CYP2C19: variants seen among roughly 807,000 people sequenced by gnomAD.
CYP2C19 encodes the protein cytochrome P450 family 2 subfamily C member 19.
In CYP2C19, 59 loss-of-function variants were observed where a neutral mutation model predicts 40.9. The ratio of observed to expected loss-of-function variants is 1.44; its 90% confidence interval spans 1.17 to 1.79. The LOEUF is 1.79. Ranked by LOEUF, CYP2C19 falls within the 40% of genes most tolerant of loss-of-function variation. The probability of loss-of-function intolerance (pLI) is 0.00; values close to 1 mark genes in which losing one functional copy is unlikely to be tolerated. For synonymous variants in CYP2C19, 253 were observed against 208.7 expected, an observed-to-expected ratio of 1.21 and a Z score of -1.83; for missense variants, 754 against 596.9, an observed-to-expected ratio of 1.26 and a Z score of -2.74.
chr10:94,764,737 G>T (rs1337031139), intron 1 of CYP2C19, among the ~76,000 whole-genome samples: 1 of 152,138 alleles, frequency 6.6e-6, no homozygotes, highest in East Asian at 1.9e-4. Context: ...CCATTTGTAA[G>T]ACCATCTGTA....
At chr10:94,845,470 A>G (rs1849558693) in intron 7 of CYP2C19, among the ~76,000 whole-genome samples, 3 of 152,200 alleles carry the variant, frequency 2.0e-5, no homozygotes, top group Admixed American at 6.5e-5. Flanking sequence ...TTGATGCCCA[A>G]TATAAGACTT....
At chr10:94,768,773 A>G (rs1446255533) in intron 1 of CYP2C19, among the ~76,000 whole-genome samples, 2 of 152,136 alleles carry the variant, frequency 1.3e-5, no homozygotes, top group African/African-American at 4.8e-5. Context: ...CACGAGTCTG[A>G]GTAAGGACTC....
intron 1 of CYP2C19, among the ~76,000 whole-genome samples, chr10:94,763,099 A>G (rs956347370): frequency 2.0e-5 from 3 of 152,200 alleles, no homozygotes; most frequent in Non-Finnish European, 4.4e-5. Flanking sequence ...TAAATTCAGA[A>G]TAACAAACTG....
intron 6 of CYP2C19, among the ~76,000 whole-genome samples, chr10:94,825,004 G>T (rs1336543992): frequency 3.0e-5 from 4 of 135,262 alleles, no homozygotes; most frequent in Non-Finnish European, 4.8e-5. Context: ...TTTTATGGCT[G>T]CATAGTATTC....
intron 3 of CYP2C19, 116 bp downstream of exon 3, chr10:94,775,655 T>C: frequency 1.3e-6 from 2 of 1,567,658 alleles, no homozygotes; most frequent in South Asian, 2.3e-5. Flanking sequence ...GGTTGTTAGC[T>C]CATGTGAAGC....
At chr10:94,786,768 T>G (rs1848547906) in intron 5 of CYP2C19, among the ~76,000 whole-genome samples, 4 of 152,128 alleles carry the variant, frequency 2.6e-5, no homozygotes, top group Admixed American at 2.0e-4. Flanking sequence ...ACACGTGGCA[T>G]TTGATTTTCT....
chr10:94,846,603 T>A (rs893136843), intron 7 of CYP2C19, among the ~76,000 whole-genome samples: 1 of 152,160 alleles, frequency 6.6e-6, no homozygotes, highest in African/African-American at 2.4e-5. Context: ...GATCTTGACC[T>A]GAATGGTTAC....
At chr10:94,843,596 A>G (rs1849527483) in intron 7 of CYP2C19, among the ~76,000 whole-genome samples, 1 of 152,196 alleles carries the variant, frequency 6.6e-6, no homozygotes, top group Non-Finnish European at 1.5e-5. Flanking sequence ...ATTAGTTTTT[A>G]TCATTCTGAT....
chr10:94,778,359 G>A (rs564315711), intron 3 of CYP2C19, among the ~76,000 whole-genome samples: 28 of 152,206 alleles, frequency 1.8e-4, no homozygotes, highest in African/African-American at 6.7e-4. Context: ...AAACTATGCA[G>A]AGCCTTCCGA....
rs561919698 is a variant in CYP2C19 at position 94,830,840 on chromosome 10, A to C, written c.961+10203A>C. ...AGGAGATGTTTTGATACAGGCATGC[A>C]ATGTGAAATAAGCATGTCATGGAGA... is the stretch of plus-strand genomic sequence containing the variant. On this transcript the variant is annotated intron_variant, in intron 6 of 8. Transcript: ENST00000371321. Among the ~76,000 whole-genome samples the C allele has an allele frequency of 7.2e-5, 11 of 152,270 alleles. No individual in the cohort carries two copies. In the South Asian group the frequency reaches 2.3e-3, roughly 32 times the overall value.
intron 7 of CYP2C19, among the ~76,000 whole-genome samples, chr10:94,846,855 A>T (rs2134289692): frequency 6.6e-6 from 1 of 151,508 alleles, no homozygotes; most frequent in East Asian, 2.0e-4. Flanking sequence ...GCTATGATTA[A>T]TCTGTAATGA....
intron 5 of CYP2C19, among the ~76,000 whole-genome samples, chr10:94,790,082 A>G (rs1180027732): frequency 6.6e-6 from 1 of 151,992 alleles, no homozygotes; most frequent in Non-Finnish European, 1.5e-5. Context: ...TTGGATTCCT[A>G]GGTATTTTAT....
chr10:94,812,586 T>A, intron 5 of CYP2C19, among the ~76,000 whole-genome samples: 1 of 152,236 alleles, frequency 6.6e-6, no homozygotes, highest in East Asian at 1.9e-4. Context: ...TTTATTCTTA[T>A]TTTTTAACTT....
chr10:94,826,174 G>GT (rs769806151), intron 6 of CYP2C19, among the ~76,000 whole-genome samples: 465 of 152,106 alleles, frequency 3.1e-3, no homozygotes, highest in Non-Finnish European at 4.9e-3. Context: ...CTTTAAAGTA[G>GT]TTTTTTCCAA....
At chr10:94,818,437 G>T (rs1049930206) in intron 5 of CYP2C19, among the ~76,000 whole-genome samples, 1 of 151,940 alleles carries the variant, frequency 6.6e-6, no homozygotes, top group Non-Finnish European at 1.5e-5. Context: ...AAAGTCATTG[G>T]TAGCTTGATG....
intron 5 of CYP2C19, among the ~76,000 whole-genome samples, chr10:94,810,407 G>A (rs954085939): frequency 6.6e-6 from 1 of 152,126 alleles, no homozygotes; most frequent in African/African-American, 2.4e-5. Context: ...TATAAAATGA[G>A]TTAGGAAAGA....
intron 5 of CYP2C19, among the ~76,000 whole-genome samples, chr10:94,818,445 A>G (rs1287678822): frequency 6.6e-6 from 1 of 151,924 alleles, no homozygotes; most frequent in Non-Finnish European, 1.5e-5. Flanking sequence ...TGGTAGCTTG[A>G]TGGAGATGGC....
chr10:94,847,681 T>G (rs935246126), intron 7 of CYP2C19, among the ~76,000 whole-genome samples: 1 of 152,214 alleles, frequency 6.6e-6, no homozygotes, highest in African/African-American at 2.4e-5. Context: ...TGAACTAGTT[T>G]ACAGTCCCAC....
intron 6 of CYP2C19, among the ~76,000 whole-genome samples, chr10:94,839,226 A>G (rs1242363728): frequency 6.6e-6 from 1 of 152,102 alleles, no homozygotes; most frequent in African/African-American, 2.4e-5. Context: ...CTTGACCACA[A>G]AGAAAGGGGC....
Sources: gnomAD v4.1 joint callset for allele counts (sites outside exome capture counted in the v4.1 genomes callset) on GRCh38, gnomAD v4.1.1 for gene constraint, MANE v1.5 for transcripts, NCBI Gene and HGNC (gene_info 2026-07-23, HGNC 2026-07-21) for gene names.